Variants in IMMT observed in about 807,000 individuals in gnomAD.
The protein encoded by IMMT is MICOS complex subunit MIC60.
Under a neutral mutation model 92.7 loss-of-function variants are expected in IMMT, and 40 were observed. The ratio of observed to expected loss-of-function variants is 0.43; its 90% CI spans 0.34 to 0.56. The LOEUF (loss-of-function observed/expected upper bound fraction) is 0.56. Ranked by LOEUF, IMMT falls within the 20% of genes least tolerant of loss-of-function variation. The probability of loss-of-function intolerance (pLI) is 0.03; values close to 1 mark genes in which losing one functional copy is unlikely to be tolerated. For missense variants in IMMT, 831 were observed against 912.1 expected (o/e 0.91, Z 1.14); for synonymous variants, 322 against 336.1 (o/e 0.96, Z 0.46).
At chr2:86,162,800 C>T (rs192155561) in intron 7 of IMMT, among the ~76,000 whole-genome samples, 4 of 152,170 alleles carry the variant, frequency 2.6e-5, no homozygotes, top group African/African-American at 9.6e-5. Flanking sequence ...GCCAAAATTG[C>T]GCCACTGCAC....
At chr2:86,153,911 G>A in intron 10 of IMMT, among the ~76,000 whole-genome samples, 1 of 152,126 alleles carries the variant, frequency 6.6e-6, no homozygotes, top group East Asian at 1.9e-4. Context: ...TGCCTAGCCT[G>A]GAGTGCAGTG....
chr2:86,155,384 T>TAAG (rs1553445880), intron 10 of IMMT, among the ~76,000 whole-genome samples: 1 of 152,228 alleles, frequency 6.6e-6, no homozygotes, highest in African/African-American at 2.4e-5. Flanking sequence ...CAGAGAATAG[T>TAAG]GCTAGTGGGG....
intron 5 of IMMT, 115 bp downstream of exon 5, chr2:86,171,093 C>G: frequency 3.1e-6 from 3 of 964,138 alleles, no homozygotes; most frequent in Non-Finnish European, 4.6e-6. Context: ...CTAAGAAACT[C>G]TGAAGACCTA....
intron 8 of IMMT, among the ~76,000 whole-genome samples, chr2:86,161,663 G>A (rs924642588): frequency 3.3e-5 from 5 of 151,586 alleles, no homozygotes; most frequent in Admixed American, 1.3e-4. Context: ...ACAGGCGCCC[G>A]CCACCACGCC....
At chr2:86,183,517 ATG>A (rs1044349857) in intron 1 of IMMT, among the ~76,000 whole-genome samples, 3 of 152,132 alleles carry the variant, frequency 2.0e-5, no homozygotes, top group African/African-American at 7.2e-5. Flanking sequence ...CTTTGACAGA[ATG>A]TGTTTTGACT....
intron 2 of IMMT, 142 bp from the exon 3 acceptor site, chr2:86,179,764 A>C: frequency 1.7e-6 from 1 of 579,344 alleles, no homozygotes; most frequent in Non-Finnish European, 2.9e-6. Flanking sequence ...GTTTACCACC[A>C]TGTCTGCACA....
chr2:86,147,817 T>C lies in IMMT; in HGVS notation c.1418A>G (p.Asp473Gly). Residue 473 changes from aspartate (D) to glycine (G), a missense_variant, in exon 13 of 15, where the codon GAT becomes GGT. Physicochemically the swap from Asp to Gly is moderately conservative, Grantham distance 94. Coordinates refer to ENST00000410111, the MANE Select transcript of IMMT (RefSeq NM_006839.3). ...GGTTCTCATTTCATTTTCCATGGCA[T>C]CTCTGACTTCTTCTATCTGTGAAAC... ...EQDRKIEEVR[D>G]AMENEMRTQL... is the part of the protein sequence containing the mutation. 2 of 1,613,840 alleles carry C rather than the reference T, an allele frequency of 1.2e-6. No individual in the cohort carries two copies. The highest frequency in any genetic ancestry group is 1.7e-6 in the Non-Finnish European group (2 of 1,179,842).
At chr2:86,146,653 G>A (rs1453546807) in intron 13 of IMMT, among the ~76,000 whole-genome samples, 4 of 152,136 alleles carry the variant, frequency 2.6e-5, no homozygotes, top group African/African-American at 7.2e-5. Flanking sequence ...GTGAGCCACC[G>A]TGCCCGGCCG....
At chr2:86,177,548 C>A (rs1677513620) in intron 3 of IMMT, among the ~76,000 whole-genome samples, 1 of 151,902 alleles carries the variant, frequency 6.6e-6, no homozygotes, top group African/African-American at 2.4e-5. Context: ...TTGCAGTGAT[C>A]CGAGATCGCG....
intron 14 of IMMT, among the ~76,000 whole-genome samples, chr2:86,145,863 T>C (rs994575196): frequency 6.6e-6 from 1 of 152,052 alleles, no homozygotes; most frequent in Non-Finnish European, 1.5e-5. Context: ...TTGTAAATGG[T>C]GATTTTGTGT....
At chr2:86,179,310 T>C in intron 3 of IMMT, 123 bp downstream of exon 3, 1 of 734,382 alleles carries the variant, frequency 1.4e-6, no homozygotes. Context: ...GATTTTTGTA[T>C]CCACAGGAGG....
rs1180016666 is a variant in IMMT, at chr2:86,182,876, A to AC, written c.46-1505_46-1504insG. On this transcript the variant is annotated intron_variant, in intron 1 of 14. Coordinates refer to ENST00000410111, the MANE Select transcript of IMMT (RefSeq NM_006839.3). ...CTCCACTCCCCTTAAAAAAAAAAAC[A>AC]AAAACAAAAACAAAAAATACCAAAC... is the stretch of plus-strand genomic sequence containing the variant. 1.8e-3 allele frequency among the ~76,000 whole-genome samples: 270 copies of AC among 150,626 alleles called. 2 individuals carry two copies. Among genetic ancestry groups the AC allele is most frequent in the Middle Eastern group, 3.5e-3 (1 of 288 alleles).
rs376878521 is a variant in IMMT, at chr2:86,171,271, C to T, written c.496G>A (p.Glu166Lys). 45 of 1,608,718 alleles carry T rather than the reference C, an allele frequency of 2.8e-5. No homozygotes were observed. The African/African-American group carries it at 5.5e-4, about 20-fold the overall frequency. ...GGGTGATCAGTTTTTAAAGATTCCTCAGGCTGAACTGCAGGGGCTGGGACC... is the reference window on the plus strand; with the variant it reads ...GGGTGATCAGTTTTTAAAGATTCCTTAGGCTGAACTGCAGGGGCTGGGACC... ...LSVPAPAVQP[E>K]ESLKTDHPEI... Residue 166 changes from glutamate to lysine, a missense_variant, in exon 5 of 15, where the codon GAG becomes AAG. Transcript: ENST00000410111.
Position 86,144,827 on chromosome 2 carries a change from A to T in IMMT, c.1718T>A (p.Val573Glu). The T allele has an allele frequency of 6.2e-7, 1 of 1,611,232 alleles. No homozygotes were observed. Among genetic ancestry groups the T allele is most frequent in the Non-Finnish European group, 8.5e-7 (1 of 1,179,132 alleles). ...ARKAHQLWLS[V>E]EALKYSMKTS... ...CTTCATGCTGTACTTTAATGCCTCC[A>T]CTGAAAGCCAGAGTTGGTGGGCTTT... Residue 573 changes from valine to glutamate, a missense_variant, in exon 15 of 15, where the codon GTG (valine) becomes GAG (glutamate). Transcript: ENST00000410111.
rs534425529 is a variant in IMMT, at chr2:86,158,870, T to C, written c.1033-149A>G. Reference sequence around the variant, plus strand: ...CTCAGAAATAGAATATAAGCCTTATTTGTTTCCTTCTAATTCCTATTCAAA... The same window carrying C: ...CTCAGAAATAGAATATAAGCCTTATCTGTTTCCTTCTAATTCCTATTCAAA... On this transcript the variant is annotated intron_variant, in intron 9 of 14. Transcript: ENST00000410111. 3 of 683,912 alleles carry C rather than the reference T, an allele frequency of 4.4e-6. No individual in the cohort carries two copies. The South Asian group carries it at 6.3e-5, about 14-fold the overall frequency. 42.4% of individuals were successfully genotyped at this position (683,912 alleles called of 1,614,324 possible).
intron 4 of IMMT, 185 bp from the exon 5 acceptor site, chr2:86,171,530 C>T: frequency 1.7e-6 from 1 of 580,994 alleles, no homozygotes; most frequent in Non-Finnish European, 3.1e-6. Context: ...TAAACTCACA[C>T]AAAATGGACA....
rs552570427 is a variant in IMMT at position 86,152,457 on chromosome 2, A to G, written c.1178-937T>C. On this transcript the variant is annotated intron_variant, in intron 11 of 14. Transcript: ENST00000410111. ...CTCCATCTCAAAAAAAAAAAAAAAA[A>G]AGAGAGAATTATGGCTCCACCGGCC... is the stretch of plus-strand genomic sequence containing the variant. Among the ~76,000 whole-genome samples, 322 of 149,820 alleles carry G rather than the reference A, an allele frequency of 2.1e-3. 4 individuals are homozygous for G. The highest frequency in any genetic ancestry group is 0.015 in the East Asian group (75 of 4,876).
At chr2:86,156,185 A>G (rs932007752) in intron 10 of IMMT, among the ~76,000 whole-genome samples, 2 of 152,080 alleles carry the variant, frequency 1.3e-5, no homozygotes, top group African/African-American at 4.8e-5. Flanking sequence ...CACCCACTAC[A>G]TGCCAGTAGC....
At chr2:86,162,976 A>G (rs775644665) in intron 7 of IMMT, among the ~76,000 whole-genome samples, 5 of 152,124 alleles carry the variant, frequency 3.3e-5, no homozygotes, top group Admixed American at 1.3e-4. Context: ...AAACCCTCTA[A>G]CACTCTAATA....
Sources: allele counts gnomAD v4.1 joint callset (sites outside exome capture counted in the v4.1 genomes callset), GRCh38; gene constraint gnomAD v4.1.1; transcripts MANE v1.5; gene names NCBI Gene and HGNC (gene_info 2026-07-23, HGNC 2026-07-21).